HS6ST3: variants seen among roughly 807,000 people sequenced by gnomAD.
HS6ST3 encodes heparan-sulfate 6-O-sulfotransferase 3.
In HS6ST3, 12 loss-of-function variants were observed where a neutral mutation model predicts 36.7. The observed-to-expected ratio is 0.33, with a 90% CI of 0.21 to 0.53. The LOEUF (loss-of-function observed/expected upper bound fraction) is 0.53. Ranked by LOEUF, HS6ST3 falls within the 20% of genes least tolerant of loss-of-function variation. The probability of loss-of-function intolerance (pLI) is 0.95; values close to 1 mark genes in which losing one functional copy is unlikely to be tolerated. For synonymous variants in HS6ST3, 240 were observed against 257.5 expected, an observed-to-expected ratio of 0.93 and a Z score of 0.65; for missense variants, 584 against 640.9, an observed-to-expected ratio of 0.91 and a Z score of 0.96.
intron 1 of HS6ST3, among the ~76,000 whole-genome samples, chr13:96,329,129 C>A (rs991306958): frequency 1.5e-4 from 23 of 149,716 alleles, no homozygotes; most frequent in African/African-American, 5.5e-4. Flanking sequence ...TTTCAAAAAA[C>A]CAGCTCCCGG....
At chr13:96,530,144 C>CATAGG (rs1566388147) in intron 1 of HS6ST3, among the ~76,000 whole-genome samples, 1 of 147,026 alleles carries the variant, frequency 6.8e-6, no homozygotes, top group Non-Finnish European at 1.5e-5. Context: ...GGACCAACTG[C>CATAGG]ATAGGATTTC....
chr13:96,572,578 A>G (rs1214081640), intron 1 of HS6ST3, among the ~76,000 whole-genome samples: 1 of 148,960 alleles, frequency 6.7e-6, no homozygotes, highest in Non-Finnish European at 1.5e-5. Flanking sequence ...ATTGATTTGT[A>G]TTTCTTCAAA....
At chr13:96,399,981 G>C (rs2055441237) in intron 1 of HS6ST3, among the ~76,000 whole-genome samples, 2 of 152,028 alleles carry the variant, frequency 1.3e-5, no homozygotes, top group South Asian at 2.1e-4. Context: ...TTTTTTCAGG[G>C]GAGATTGGTC....
intron 1 of HS6ST3, among the ~76,000 whole-genome samples, chr13:96,475,360 A>G (rs1328815840): frequency 6.6e-6 from 1 of 152,130 alleles, no homozygotes; most frequent in Non-Finnish European, 1.5e-5. Context: ...GATAGAAGCT[A>G]TTAGAACAGG....
At chr13:96,414,603 C>G (rs1246235768) in intron 1 of HS6ST3, among the ~76,000 whole-genome samples, 1 of 152,150 alleles carries the variant, frequency 6.6e-6, no homozygotes, top group Non-Finnish European at 1.5e-5. Context: ...CTGCCTCAGC[C>G]TCCTGAGTAG....
At chr13:96,557,024 C>T (rs1252698431) in intron 1 of HS6ST3, among the ~76,000 whole-genome samples, 1 of 152,102 alleles carries the variant, frequency 6.6e-6, no homozygotes, top group Non-Finnish European at 1.5e-5. Flanking sequence ...ACACTTAATC[C>T]ACATGATTTA....
At chr13:96,703,654 G>C (rs1335117436) in intron 1 of HS6ST3, among the ~76,000 whole-genome samples, 1 of 152,142 alleles carries the variant, frequency 6.6e-6, no homozygotes, top group Admixed American at 6.5e-5. Context: ...CACTGCTGGG[G>C]CATTTTACAA....
chr13:96,682,524 A>T (rs1195712616), intron 1 of HS6ST3, among the ~76,000 whole-genome samples: 1 of 152,044 alleles, frequency 6.6e-6, no homozygotes, highest in Non-Finnish European at 1.5e-5. Flanking sequence ...AATGATTTTG[A>T]CTCCAAAGGC....
chr13:96,512,296 A>G (rs544308796), intron 1 of HS6ST3, among the ~76,000 whole-genome samples: 2 of 152,184 alleles, frequency 1.3e-5, no homozygotes, highest in African/African-American at 2.4e-5. Flanking sequence ...TGACTCTGGT[A>G]TATTCTAAAA....
chr13:96,513,747 A>G (rs1594797431), intron 1 of HS6ST3, among the ~76,000 whole-genome samples: 2 of 152,112 alleles, frequency 1.3e-5, no homozygotes, highest in Non-Finnish European at 2.9e-5. Context: ...ATTATGCACC[A>G]TCATAGAGTG....
chr13:96,678,963 C>A (rs1470766592), intron 1 of HS6ST3, among the ~76,000 whole-genome samples: 1 of 151,820 alleles, frequency 6.6e-6, no homozygotes, highest in Non-Finnish European at 1.5e-5. Context: ...CAAAACAGTG[C>A]ATTAAAATGT....
intron 1 of HS6ST3, among the ~76,000 whole-genome samples, chr13:96,099,218 A>T (rs2053806217): frequency 6.6e-6 from 1 of 152,198 alleles, no homozygotes; most frequent in East Asian, 1.9e-4. Context: ...CTGAGATTAC[A>T]GGTGTGAGCC....
chr13:96,812,729 C>A (rs974719553), intron 1 of HS6ST3, among the ~76,000 whole-genome samples: 2 of 152,138 alleles, frequency 1.3e-5, no homozygotes, highest in African/African-American at 4.8e-5. Flanking sequence ...CCCATTATGG[C>A]ATCTTTTCCT....
chr13:96,593,330 C>A (rs545410619), intron 1 of HS6ST3, among the ~76,000 whole-genome samples: 4 of 150,484 alleles, frequency 2.7e-5, no homozygotes, highest in Admixed American at 6.6e-5. Context: ...ATTACAGGCG[C>A]ACACCACCAC....
chr13:96,152,098 T>A (rs2054087609), intron 1 of HS6ST3, among the ~76,000 whole-genome samples: 1 of 152,214 alleles, frequency 6.6e-6, no homozygotes, highest in African/African-American at 2.4e-5. Flanking sequence ...CAATAATCTA[T>A]GTTGAAAATA....
intron 1 of HS6ST3, among the ~76,000 whole-genome samples, chr13:96,474,424 A>G (rs1359665200): frequency 6.6e-6 from 1 of 152,182 alleles, no homozygotes; most frequent in East Asian, 1.9e-4. Context: ...AGGATGACAA[A>G]TCCCTTAGAT....
intron 1 of HS6ST3, among the ~76,000 whole-genome samples, chr13:96,796,243 T>C (rs1256530397): frequency 6.6e-6 from 1 of 152,074 alleles, no homozygotes; most frequent in Admixed American, 6.6e-5. Context: ...AAACTTCACA[T>C]TTGAACATTT....
intron 1 of HS6ST3, among the ~76,000 whole-genome samples, chr13:96,782,727 C>T (rs1451582628): frequency 6.6e-6 from 1 of 152,070 alleles, no homozygotes; most frequent in Non-Finnish European, 1.5e-5. Flanking sequence ...TTTACATAGT[C>T]CTTTAACTCC....
chr13:96,400,535 C>T (rs2055445972), intron 1 of HS6ST3, among the ~76,000 whole-genome samples: 1 of 152,008 alleles, frequency 6.6e-6, no homozygotes, highest in Non-Finnish European at 1.5e-5. Context: ...GAGGTGATAA[C>T]AGGAACTTAT....
Sources: gnomAD v4.1 joint callset for allele counts (sites outside exome capture counted in the v4.1 genomes callset) on GRCh38, gnomAD v4.1.1 for gene constraint, MANE v1.5 for transcripts, NCBI Gene and HGNC (gene_info 2026-07-23, HGNC 2026-07-21) for gene names.